The following MEI4 variants were observed in gnomAD, a reference collection of about 807,000 sequenced individuals.
MEI4 encodes meiotic double-stranded break formation protein 4, also known as meiosis-specific protein MEI4.
Under a neutral mutation model 31.4 loss-of-function variants are expected in MEI4, and 27 were observed. The ratio of observed to expected loss-of-function variants is 0.86; its 90% CI spans 0.63 to 1.19. The LOEUF is 1.19. Ranked by LOEUF, MEI4 falls within the 50% of genes most tolerant of loss-of-function variation. The pLI is 0.00. For synonymous variants in MEI4, 122 were observed against 145.4 expected (o/e 0.84, Z 1.16); for missense variants, 329 against 398.9 (o/e 0.82, Z 1.49).
At chr6:77,782,504 G>T (rs975146221) in intron 3 of MEI4, among the ~76,000 whole-genome samples, 1 of 152,118 alleles carries the variant, frequency 6.6e-6, no homozygotes, top group African/African-American at 2.4e-5. Context: ...ATACAAAAAT[G>T]AAAGGATTTT....
At chr6:77,789,543 C>T (rs1387173723) in intron 3 of MEI4, among the ~76,000 whole-genome samples, 4 of 152,080 alleles carry the variant, frequency 2.6e-5, no homozygotes, top group Non-Finnish European at 5.9e-5. Flanking sequence ...TAAATGAACT[C>T]AAACAAATTT....
intron 2 of MEI4, among the ~76,000 whole-genome samples, chr6:77,754,575 A>G (rs991396414): frequency 6.6e-6 from 1 of 152,200 alleles, no homozygotes; most frequent in East Asian, 1.9e-4. Flanking sequence ...AGTTGCTTCC[A>G]CATTTTCAGG....
chr6:77,692,602 A>G (rs1769178244), intron 2 of MEI4, among the ~76,000 whole-genome samples: 1 of 152,102 alleles, frequency 6.6e-6, no homozygotes, highest in African/African-American at 2.4e-5. Flanking sequence ...ACATGTAGGA[A>G]TAAATTCAGA....
At chr6:77,749,960 A>G (rs1449802547) in intron 2 of MEI4, among the ~76,000 whole-genome samples, 3 of 152,210 alleles carry the variant, frequency 2.0e-5, no homozygotes, top group Non-Finnish European at 4.4e-5. Context: ...GTGGGGGCCA[A>G]TATTCAACAT....
chr6:77,845,898 T>C (rs1298209602), intron 4 of MEI4, among the ~76,000 whole-genome samples: 1 of 141,172 alleles, frequency 7.1e-6, no homozygotes, highest in Non-Finnish European at 1.5e-5. Flanking sequence ...TTTTTTTTTT[T>C]CTTTTAAGCT....
intron 3 of MEI4, among the ~76,000 whole-genome samples, chr6:77,794,434 G>A (rs967520132): frequency 1.3e-5 from 2 of 152,036 alleles, no homozygotes; most frequent in Non-Finnish European, 2.9e-5. Context: ...GTGGTGGTGG[G>A]TGCCTGTAGT....
chr6:77,732,655 C>A (rs9341687), intron 2 of MEI4, among the ~76,000 whole-genome samples: 2 of 151,904 alleles, frequency 1.3e-5, no homozygotes, highest in East Asian at 1.9e-4. Context: ...CCAAGACTTC[C>A]AACACTATGT....
At chr6:77,830,203 G>A (rs1770045212) in intron 4 of MEI4, among the ~76,000 whole-genome samples, 3 of 151,972 alleles carry the variant, frequency 2.0e-5, no homozygotes, top group African/African-American at 7.2e-5. Flanking sequence ...TGAGCAGAGG[G>A]TAACTGAATG....
intron 4 of MEI4, among the ~76,000 whole-genome samples, chr6:77,897,169 G>A (rs1036379828): frequency 6.6e-6 from 1 of 151,890 alleles, no homozygotes; most frequent in East Asian, 1.9e-4. Context: ...ATTAATATAC[G>A]TTAATTTGAT....
At chr6:77,892,880 C>T (rs369298612) in intron 4 of MEI4, among the ~76,000 whole-genome samples, 3 of 151,828 alleles carry the variant, frequency 2.0e-5, no homozygotes, top group Admixed American at 6.6e-5. Context: ...GATCTTGGGG[C>T]GTGTGTGGGA....
intron 3 of MEI4, among the ~76,000 whole-genome samples, chr6:77,797,563 A>G (rs1037997448): frequency 7.9e-5 from 12 of 152,168 alleles, no homozygotes; most frequent in Non-Finnish European, 1.5e-4. Flanking sequence ...AACAGCCTTC[A>G]GTCTGTAGTC....
chr6:77,705,341 C>T (rs992557033), intron 2 of MEI4, among the ~76,000 whole-genome samples: 1 of 152,084 alleles, frequency 6.6e-6, no homozygotes, highest in Non-Finnish European at 1.5e-5. Flanking sequence ...CATAAAGTGA[C>T]ATAGCTAAAA....
intron 2 of MEI4, among the ~76,000 whole-genome samples, chr6:77,735,040 G>A (rs143648808): frequency 0.095 from 14,488 of 152,018 alleles, 837 homozygotes; most frequent in South Asian, 0.18. Flanking sequence ...GTGGGTAACC[G>A]TACCTTTCTC....
At chr6:77,764,707 G>T (rs1023437182) in intron 3 of MEI4, among the ~76,000 whole-genome samples, 1 of 152,106 alleles carries the variant, frequency 6.6e-6, no homozygotes, top group Non-Finnish European at 1.5e-5. Flanking sequence ...CAAATTTTAG[G>T]TCACAAAACA....
At chr6:77,789,726 G>A (rs896379064) in intron 3 of MEI4, among the ~76,000 whole-genome samples, 9 of 152,124 alleles carry the variant, frequency 5.9e-5, no homozygotes, top group South Asian at 4.2e-4. Context: ...CACCAGTTAG[G>A]ATGGCAATCA....
intron 2 of MEI4, among the ~76,000 whole-genome samples, chr6:77,736,436 G>A (rs1183349732): frequency 6.6e-6 from 1 of 152,066 alleles, no homozygotes; most frequent in Admixed American, 6.5e-5. Context: ...ACTAGGAAAG[G>A]GAACTCCCTG....
At chr6:77,726,553 T>G (rs185535427) in intron 2 of MEI4, among the ~76,000 whole-genome samples, 1 of 152,292 alleles carries the variant, frequency 6.6e-6, no homozygotes, top group African/African-American at 2.4e-5. Flanking sequence ...TCCTGAGGTT[T>G]GGATTTAGTA....
intron 2 of MEI4, among the ~76,000 whole-genome samples, chr6:77,754,048 A>C (rs1767850858): frequency 6.6e-6 from 1 of 152,120 alleles, no homozygotes; most frequent in Non-Finnish European, 1.5e-5. Flanking sequence ...GGAGTTGAAC[A>C]ATGAAAGCAC....
chr6:77,687,993 C>T (rs980808832), intron 1 of MEI4, among the ~76,000 whole-genome samples: 1 of 152,060 alleles, frequency 6.6e-6, no homozygotes, highest in African/African-American at 2.4e-5. Context: ...GTCTTTCTGG[C>T]AACTAATTCC....
Sources: allele counts gnomAD v4.1 joint callset (sites outside exome capture counted in the v4.1 genomes callset), GRCh38; gene constraint gnomAD v4.1.1; transcripts MANE v1.5; gene names NCBI Gene and HGNC (gene_info 2026-07-23, HGNC 2026-07-21).